The following LYST variants were observed in gnomAD, a reference collection of about 807,000 sequenced individuals.
LYST encodes the protein lysosomal-trafficking regulator.
A neutral mutation model predicts 413.6 loss-of-function variants in LYST; 192 were observed. That is an observed-to-expected ratio of 0.46 (90% CI 0.41 to 0.52). LYST has a LOEUF of 0.52. Ranked by LOEUF, LYST falls within the 20% of genes least tolerant of loss-of-function variation. LYST has a pLI of 0.00. For missense variants in LYST, 3,815 were observed against 4,499.9 expected, an observed-to-expected ratio of 0.85 and a Z score of 4.35; for synonymous variants, 1,525 against 1,567.3, an observed-to-expected ratio of 0.97 and a Z score of 0.64.
chr1:235,700,878 A>G (rs916193170), intron 45 of LYST, among the ~76,000 whole-genome samples: 4 of 152,236 alleles, frequency 2.6e-5, no homozygotes, highest in Non-Finnish European at 5.9e-5. Context: ...GTTACATTCT[A>G]TTTGGGATGG....
In LYST at chr1:235,746,426, G is replaced by C; in HGVS notation, c.7882C>G (p.Gln2628Glu). 1 of 1,613,808 alleles carries C rather than the reference G, an allele frequency of 6.2e-7. No homozygotes were observed. Among genetic ancestry groups the C allele is most frequent in the Non-Finnish European group, 8.5e-7 (1 of 1,179,822 alleles). ...TCAGTTGCTTGGCTAGGGTTCTCTTGGCTCATTCTCCGTTGCATCATCACA... is the reference window on the plus strand; with the variant it reads ...TCAGTTGCTTGGCTAGGGTTCTCTTCGCTCATTCTCCGTTGCATCATCACA... ...LHVMMQRRMS[Q>E]ENPSQATETE... The change falls in exon 29 of 53, where the codon CAA (glutamine) becomes GAA (glutamate). Residue 2628 changes from glutamine (Q) to glutamate (E), a missense_variant. This residue lies in a region of LYST where 771 missense variants were observed against 837.1 expected (regional missense o/e 0.92). Transcript: ENST00000389793.
intron 30 of LYST, among the ~76,000 whole-genome samples, chr1:235,742,888 G>A (rs1292329900): frequency 6.6e-6 from 1 of 151,848 alleles, no homozygotes; most frequent in East Asian, 1.9e-4. Flanking sequence ...GTATAATAAG[G>A]TATTTACTCA....
chr1:235,867,180 G>C (rs1000459943), upstream of LYST, among the ~76,000 whole-genome samples: 2 of 152,246 alleles, frequency 1.3e-5, no homozygotes, highest in Admixed American at 1.3e-4. Context: ...GTTTCTCAGC[G>C]GTCGGGGGTC....
chr1:235,739,914 T>C (rs1665191086), intron 31 of LYST, among the ~76,000 whole-genome samples: 1 of 152,072 alleles, frequency 6.6e-6, no homozygotes, highest in Non-Finnish European at 1.5e-5. Flanking sequence ...CAAGCTGAAA[T>C]TCAATAATGA....
intron 14 of LYST, 92 bp from the exon 15 acceptor site, chr1:235,782,179 T>C: frequency 8.9e-7 from 1 of 1,126,598 alleles, no homozygotes. Context: ...AATGGGGAAT[T>C]CTTTTTTTTT....
chr1:235,826,652 G>T (rs1675367339), intron 3 of LYST, among the ~76,000 whole-genome samples: 1 of 152,122 alleles, frequency 6.6e-6, no homozygotes, highest in African/African-American at 2.4e-5. Context: ...CAATGATCTG[G>T]GTGGTGATGA....
At chr1:235,772,283 T>G (rs1257712723) in intron 19 of LYST, among the ~76,000 whole-genome samples, 1 of 152,126 alleles carries the variant, frequency 6.6e-6, no homozygotes, top group East Asian at 1.9e-4. Context: ...TGTGTAAATT[T>G]TTAGGGACTG....
At chr1:235,858,848 T>A (rs1679516779) in intron 1 of LYST, among the ~76,000 whole-genome samples, 1 of 152,100 alleles carries the variant, frequency 6.6e-6, no homozygotes, top group Admixed American at 6.5e-5. Context: ...TTTTCTGCAT[T>A]GTTATGGGGG....
chr1:235,858,234 C>T lies in LYST; in HGVS notation c.-98+8609G>A, dbSNP rs183217744. ...TCAGAAAGACTCAGGTACTTCGTAG[C>T]TGTGAGTCTTGGGAAAAGTTACTCA... On this transcript the variant is annotated intron_variant, in intron 1 of 52. Transcript: ENST00000389793. Among the ~76,000 whole-genome samples, 16 of 152,326 alleles carry T rather than the reference C, an allele frequency of 1.1e-4. No individual in the cohort carries two copies. In the East Asian group the frequency reaches 1.5e-3, roughly 15 times the overall value.
intron 23 of LYST, 133 bp downstream of exon 23, chr1:235,758,839 A>G: frequency 1.4e-6 from 1 of 731,142 alleles, no homozygotes; most frequent in South Asian, 1.7e-5. Flanking sequence ...TGTTATTATT[A>G]TGTATATAAA....
Position 235,743,962 on chromosome 1 carries a change from GT to G in LYST, c.8151+16del. On this transcript the variant is annotated intron_variant, in intron 30 of 52. Coordinates refer to ENST00000389793, the MANE Select transcript of LYST (RefSeq NM_000081.4). ...CTTTGTGTGAATGAACATTTCCCAT[GT>G]AATTAATTTACTTACAATAGATACT... The G allele has an allele frequency of 1.6e-6, 2 of 1,238,272 alleles. No individual in the cohort carries two copies. The highest frequency in any genetic ancestry group is 2.4e-5 in the South Asian group (2 of 83,008). 76.7% of individuals were successfully genotyped at this position (1,238,272 alleles called of 1,614,324 possible). A position where few individuals can be genotyped will look rare whatever the true frequency, so the allele number is the denominator to read the frequency against.
At chr1:235,831,667 T>C (rs1675998284) in intron 2 of LYST, among the ~76,000 whole-genome samples, 1 of 152,062 alleles carries the variant, frequency 6.6e-6, no homozygotes, top group Admixed American at 6.6e-5. Flanking sequence ...TTACAGTAAC[T>C]CTCTTTTAGT....
intron 50 of LYST, among the ~76,000 whole-genome samples, chr1:235,669,005 A>G (rs1558098339): frequency 6.6e-6 from 1 of 151,132 alleles, no homozygotes; most frequent in East Asian, 1.9e-4. Context: ...CCTGAACACA[A>G]GAATAGATGA....
intron 1 of LYST, among the ~76,000 whole-genome samples, chr1:235,873,313 G>C (rs1681016205): frequency 1.3e-5 from 2 of 152,146 alleles, no homozygotes; most frequent in African/African-American, 4.8e-5. Flanking sequence ...ATATAGAAAA[G>C]ACTGTACTTG....
At chr1:235,673,772 C>A (rs1438220945) in intron 50 of LYST, among the ~76,000 whole-genome samples, 1 of 152,182 alleles carries the variant, frequency 6.6e-6, no homozygotes, top group Non-Finnish European at 1.5e-5. Context: ...CCAATCAAAC[C>A]ATCTACCATT....
At position 235,738,162 on chromosome 1, in the gene LYST, G is replaced by C. The variant is rs879711355; in HGVS notation, c.8358+3260C>G. 2.5e-6 allele frequency: 4 copies of C among 1,609,460 alleles called. No individual in the cohort carries two copies. The African/African-American group carries it at 5.3e-5, about 22-fold the overall frequency. The stretch of plus-strand genomic sequence containing the variant: ...CGAACTTGCTCTTGTTGATGTCATG[G>C]AAGACAAATTGAAGGGCGAGATGAT... On this transcript the variant is annotated intron_variant, in intron 31 of 52. Coordinates refer to ENST00000389793, the MANE Select transcript of LYST (RefSeq NM_000081.4).
chr1:235,662,988 C>G lies in LYST; in HGVS notation c.11358G>C (p.Leu3786Phe). 6.2e-7 allele frequency: 1 copy of G among 1,613,758 alleles called. No homozygotes were observed. Among genetic ancestry groups the G allele is most frequent in the East Asian group, 2.2e-5 (1 of 44,882 alleles). The change falls in exon 53 of 53, where the codon TTG (leucine) becomes TTC (phenylalanine). Residue 3786 changes from leucine (L) to phenylalanine (F), a missense_variant. Around this residue, in one of 4 missense-constraint regions of LYST, gnomAD observed 866 missense variants for 1,156.0 expected, o/e 0.75. Transcript: ENST00000389793. ...GGAAGGAATAGAACATTGGCTGTTT[C>G]AAGCGCTGCTGGTCCTTCCGACACC... ...IAWCRKDQQRLKQPMFYSFLS... is the reference protein window; with the variant it reads ...IAWCRKDQQRFKQPMFYSFLS...
rs1173484409 is a variant in LYST, at chr1:235,808,652, G to A, written c.2166C>T (p.Gly722=). 6.2e-7 allele frequency: 1 copy of A among 1,612,766 alleles called. No individual in the cohort carries two copies. Among genetic ancestry groups the A allele is most frequent in the Non-Finnish European group, 8.5e-7 (1 of 1,178,886 alleles). ...ANHICNLIQK[G]NIVVQWKLYN... ...ATAATTTCCACTGAACAACTATATT[G>A]CCTTTCTGGATTAAATTGCAAATGT... Residue 722 remains glycine, a synonymous_variant, in exon 5 of 53, where the codon GGC becomes GGT. Transcript: ENST00000389793.
At chr1:235,781,206 TG>T in intron 15 of LYST, 151 bp from the exon 16 acceptor site, 1 of 611,512 alleles carries the variant, frequency 1.6e-6, no homozygotes. Flanking sequence ...ATTTCGAAAT[TG>T]GTGTAACGAG....
Sources: gnomAD v4.1 joint callset for allele counts (sites outside exome capture counted in the v4.1 genomes callset) on GRCh38, gnomAD v4.1.1 for gene constraint, gnomAD v4.1.1 regional missense constraint, MANE v1.5 for transcripts, NCBI Gene and HGNC (gene_info 2026-07-23, HGNC 2026-07-21) for gene names.